SNTG2: variants seen among roughly 807,000 people sequenced by gnomAD.
The protein encoded by SNTG2 is syntrophin gamma 2, also known as gamma-2-syntrophin.
SNTG2 carries 74 observed loss-of-function variants against 70.9 expected under a neutral mutation model. That is an observed-to-expected ratio of 1.04 (90% CI 0.86 to 1.27). The LOEUF (loss-of-function observed/expected upper bound fraction) is 1.27. Among genes scored for constraint, SNTG2 ranks in the 50% most tolerant of loss-of-function variants. The pLI is 0.00. For synonymous variants in SNTG2, 278 were observed against 273.8 expected, an observed-to-expected ratio of 1.02 and a Z score of -0.15; for missense variants, 717 against 690.7, an observed-to-expected ratio of 1.04 and a Z score of -0.43.
At chr2:1,193,114 T>C (rs1467492404) in intron 8 of SNTG2, among the ~76,000 whole-genome samples, 1 of 152,176 alleles carries the variant, frequency 6.6e-6, no homozygotes, top group African/African-American at 2.4e-5. Flanking sequence ...CATTACATAG[T>C]CTGCAGCAGG....
chr2:1,272,830 G>A (rs1418395019), intron 14 of SNTG2, among the ~76,000 whole-genome samples: 1 of 151,698 alleles, frequency 6.6e-6, no homozygotes, highest in Non-Finnish European at 1.5e-5. Context: ...GGGCATCCCA[G>A]GGAAGAGGTG....
intron 4 of SNTG2, among the ~76,000 whole-genome samples, chr2:1,130,782 T>C (rs1323849803): frequency 1.3e-5 from 2 of 152,142 alleles, no homozygotes; most frequent in African/African-American, 4.8e-5. Flanking sequence ...GAAGCATTTT[T>C]CATGGCCCTT....
At chr2:1,267,111 A>G (rs1486076631) in intron 13 of SNTG2, among the ~76,000 whole-genome samples, 1 of 152,124 alleles carries the variant, frequency 6.6e-6, no homozygotes, top group African/African-American at 2.4e-5. Context: ...GTGTGTGGTG[A>G]CCAGTATTTT....
intron 12 of SNTG2, among the ~76,000 whole-genome samples, chr2:1,249,415 T>C (rs1336855285): frequency 6.6e-6 from 1 of 152,240 alleles, no homozygotes; most frequent in East Asian, 1.9e-4. Flanking sequence ...TTGGATAATT[T>C]ATTTAAAATC....
intron 1 of SNTG2, among the ~76,000 whole-genome samples, chr2:1,031,528 A>ATATATAT: frequency 5.1e-5 from 3 of 59,122 alleles, no homozygotes; most frequent in African/African-American, 2.5e-4. Flanking sequence ...ATATATATAT[A>ATATATAT]TTTTTTTTTT....
At chr2:1,252,399 C>G (rs2148144251) in intron 12 of SNTG2, among the ~76,000 whole-genome samples, 1 of 152,238 alleles carries the variant, frequency 6.6e-6, no homozygotes, top group South Asian at 2.1e-4. Flanking sequence ...GAATAGAGGA[C>G]TGTAAATGCC....
chr2:1,264,092 C>G (rs559200887), intron 13 of SNTG2, among the ~76,000 whole-genome samples: 2 of 152,170 alleles, frequency 1.3e-5, no homozygotes, highest in Non-Finnish European at 2.9e-5. Context: ...CCTCTTAAGA[C>G]AAACTGTGTA....
In SNTG2 at chr2:1,134,136, G is replaced by A. The variant is rs536874325; in HGVS notation, c.326-3486G>A. 1.4e-4 allele frequency among the ~76,000 whole-genome samples: 21 copies of A among 152,268 alleles called. 1 individual carries two copies. The South Asian group carries it at 3.7e-3, about 27-fold the overall frequency. On this transcript the variant is annotated intron_variant, in intron 4 of 16. Transcript: ENST00000308624. ...TCTCGCTGGCTTCAGGAGTGAAGCTGGAGACCTTTGCGGTGAGTGTTACAG... is the reference window on the plus strand; with the variant it reads ...TCTCGCTGGCTTCAGGAGTGAAGCTAGAGACCTTTGCGGTGAGTGTTACAG...
chr2:1,159,446 T>C (rs1670132094), intron 6 of SNTG2: 2 of 152,142 alleles, frequency 1.3e-5, no homozygotes, highest in East Asian at 1.9e-4. Flanking sequence ...CAAATGCTTT[T>C]AAAAATATCC....
chr2:1,082,194 G>A (rs574713350), intron 1 of SNTG2, among the ~76,000 whole-genome samples: 22 of 152,260 alleles, frequency 1.4e-4, no homozygotes, highest in Admixed American at 6.5e-4. Context: ...CCTTCCTACC[G>A]CACTGTGCTA....
chr2:1,128,008 A>G (rs964067123), intron 4 of SNTG2, among the ~76,000 whole-genome samples: 4 of 152,176 alleles, frequency 2.6e-5, no homozygotes. Flanking sequence ...AAGAGTGGTG[A>G]GAGTGGGCAT....
chr2:1,197,350 A>G (rs967346072), intron 8 of SNTG2, among the ~76,000 whole-genome samples: 24 of 151,838 alleles, frequency 1.6e-4, no homozygotes, highest in Non-Finnish European at 3.1e-4. Flanking sequence ...ATAGACTTTA[A>G]GTCAAAAACA....
At chr2:1,336,988 C>T (rs1659848733) in intron 16 of SNTG2, among the ~76,000 whole-genome samples, 1 of 152,068 alleles carries the variant, frequency 6.6e-6, no homozygotes, top group African/African-American at 2.4e-5. Context: ...CTGTTTCAGT[C>T]AAACATGTCA....
chr2:1,024,410 C>T (rs562821286), intron 1 of SNTG2, among the ~76,000 whole-genome samples: 1 of 152,248 alleles, frequency 6.6e-6, no homozygotes, highest in African/African-American at 2.4e-5. Context: ...CCATCTGTTG[C>T]CCAGGCTGGA....
intron 4 of SNTG2, among the ~76,000 whole-genome samples, chr2:1,116,750 C>T (rs577651256): frequency 1.3e-3 from 134 of 106,142 alleles, no homozygotes; most frequent in African/African-American, 4.7e-3. Flanking sequence ...GTATGGGTGC[C>T]GTGGTGTGTC....
intron 4 of SNTG2, among the ~76,000 whole-genome samples, chr2:1,133,001 A>G (rs1230288433): frequency 6.6e-6 from 1 of 152,164 alleles, no homozygotes; most frequent in African/African-American, 2.4e-5. Flanking sequence ...TCTTTGCCCT[A>G]CATTCTCTGC....
chr2:1,226,457 G>A (rs757406039), intron 9 of SNTG2, among the ~76,000 whole-genome samples: 19 of 152,150 alleles, frequency 1.2e-4, no homozygotes, highest in Admixed American at 4.6e-4. Context: ...AATACAGGCG[G>A]CATTTCCGTT....
chr2:1,008,505 A>G (rs1015940938), intron 1 of SNTG2, among the ~76,000 whole-genome samples: 1 of 152,204 alleles, frequency 6.6e-6, no homozygotes, highest in Non-Finnish European at 1.5e-5. Context: ...CTTACTGTGA[A>G]CATTTTCCAT....
intron 14 of SNTG2, among the ~76,000 whole-genome samples, chr2:1,306,503 G>A (rs1173218609): frequency 1.3e-5 from 2 of 152,236 alleles, no homozygotes; most frequent in Non-Finnish European, 2.9e-5. Flanking sequence ...GTGAGGAAGA[G>A]CCTCCCGAGC....
Sources: allele counts gnomAD v4.1 joint callset (sites outside exome capture counted in the v4.1 genomes callset), GRCh38; gene constraint gnomAD v4.1.1; transcripts MANE v1.5; gene names NCBI Gene and HGNC (gene_info 2026-07-23, HGNC 2026-07-21).